Variants in PRELID2 observed in about 807,000 individuals in gnomAD.
PRELID2 encodes the protein PRELI domain containing 2, also known as PRELI domain-containing protein 2.
PRELID2 carries 25 observed loss-of-function variants against 28.4 expected under a neutral mutation model. That is an observed-to-expected ratio of 0.88 (90% confidence interval 0.64 to 1.23). The LOEUF (loss-of-function observed/expected upper bound fraction) is 1.23, where lower values mean the gene tolerates loss of function less well. Ranked by LOEUF, PRELID2 falls within the 50% of genes most tolerant of loss-of-function variation. The probability of loss-of-function intolerance (pLI) is 0.00; values close to 1 mark genes in which losing one functional copy is unlikely to be tolerated. For synonymous variants in PRELID2, 76 were observed against 71.6 expected (o/e 1.06, Z -0.31); for missense variants, 201 against 214.4 (o/e 0.94, Z 0.39).
intron 1 of PRELID2, among the ~76,000 whole-genome samples, chr5:145,548,097 A>G (rs1580974300): frequency 6.6e-6 from 1 of 152,242 alleles, no homozygotes; most frequent in Admixed American, 6.5e-5. Context: ...CACAAATCAC[A>G]GAACTGAGAA....
chr5:145,745,470 G>A (rs2149745771), intron 1 of PRELID2, among the ~76,000 whole-genome samples: 1 of 152,270 alleles, frequency 6.6e-6, no homozygotes, highest in African/African-American at 2.4e-5. Context: ...GAAAAGCCAG[G>A]TCACCTACAA....
At chr5:145,263,470 T>C in the PRELID2 span, among the ~76,000 whole-genome samples, 1 of 148,092 alleles carries the variant, frequency 6.8e-6, no homozygotes, top group Non-Finnish European at 1.5e-5. Flanking sequence ...AGAAAATAAA[T>C]TAAAACAAAA....
At chr5:145,521,457 T>C (rs1407882940) in intron 1 of PRELID2, among the ~76,000 whole-genome samples, 2 of 152,172 alleles carry the variant, frequency 1.3e-5, no homozygotes, top group Non-Finnish European at 2.9e-5. Flanking sequence ...TGCAATCAAT[T>C]CCTGCCATGT....
At chr5:145,350,757 T>C in the PRELID2 span, among the ~76,000 whole-genome samples, 1 of 152,140 alleles carries the variant, frequency 6.6e-6, no homozygotes, top group Non-Finnish European at 1.5e-5. Context: ...GACTCCTATA[T>C]GTAAGATTCC....
At chr5:145,430,264 G>A in the PRELID2 span, among the ~76,000 whole-genome samples, 1 of 152,224 alleles carries the variant, frequency 6.6e-6, no homozygotes, top group East Asian at 1.9e-4. Flanking sequence ...ACACCCTACA[G>A]CATTTAAACT....
chr5:145,447,473 T>C, the PRELID2 span, among the ~76,000 whole-genome samples: 4 of 148,952 alleles, frequency 2.7e-5, no homozygotes, highest in African/African-American at 9.8e-5. Context: ...AAATTTTCTT[T>C]TTTTTTTTTT....
chr5:145,830,984 G>A (rs936510563), intron 1 of PRELID2, among the ~76,000 whole-genome samples: 17 of 152,100 alleles, frequency 1.1e-4, no homozygotes, highest in African/African-American at 4.1e-4. Context: ...ATACCATTGT[G>A]CAAAATCAGA....
chr5:145,509,069 G>C (rs779559346), intron 1 of PRELID2, among the ~76,000 whole-genome samples: 5 of 152,154 alleles, frequency 3.3e-5, no homozygotes, highest in Non-Finnish European at 7.4e-5. Context: ...GAGGGTTCCT[G>C]CAAGAGGTAA....
At chr5:145,563,791 G>A (rs11167906) in intron 1 of PRELID2, among the ~76,000 whole-genome samples, 31,201 of 152,102 alleles carry the variant, frequency 0.21, 4,461 homozygotes, top group African/African-American at 0.41. Flanking sequence ...AAATGAGGAG[G>A]TGTTGGTCAA....
chr5:145,820,459 G>A (rs1754702821), intron 2 of PRELID2, among the ~76,000 whole-genome samples: 2 of 152,100 alleles, frequency 1.3e-5, no homozygotes, highest in South Asian at 2.1e-4. Flanking sequence ...CTCCAATGAC[G>A]ATGACCAGTG....
chr5:145,340,460 C>G, the PRELID2 span, among the ~76,000 whole-genome samples: 1 of 152,274 alleles, frequency 6.6e-6, no homozygotes, highest in Non-Finnish European at 1.5e-5. Context: ...TGCAAGCCAC[C>G]TGAAGGCCTA....
At chr5:145,306,411 T>A in the PRELID2 span, among the ~76,000 whole-genome samples, 1 of 152,154 alleles carries the variant, frequency 6.6e-6, no homozygotes, top group Non-Finnish European at 1.5e-5. Context: ...CTTAAGTCAA[T>A]TTGATTTAAT....
At chr5:145,804,860 A>T (rs1753390532) in intron 4 of PRELID2, among the ~76,000 whole-genome samples, 1 of 152,210 alleles carries the variant, frequency 6.6e-6, no homozygotes, top group Admixed American at 6.5e-5. Flanking sequence ...AATGGTTTGT[A>T]AACTAGCTTA....
the PRELID2 span, among the ~76,000 whole-genome samples, chr5:145,404,130 C>A: frequency 1.3e-5 from 2 of 152,158 alleles, no homozygotes; most frequent in Non-Finnish European, 2.9e-5. Context: ...ATAAATTAAG[C>A]GTAACATTCT....
intron 1 of PRELID2, among the ~76,000 whole-genome samples, chr5:145,479,671 T>C (rs925882626): frequency 4.6e-5 from 7 of 152,228 alleles, no homozygotes; most frequent in African/African-American, 1.7e-4. Context: ...TGAATAATTA[T>C]GGTTAAGTTA....
chr5:145,440,962 TC>T, the PRELID2 span: 1 of 151,970 alleles, frequency 6.6e-6, no homozygotes, highest in African/African-American at 2.4e-5. Context: ...CCACAGAAAA[TC>T]ATGATGAGCA....
the PRELID2 span, among the ~76,000 whole-genome samples, chr5:145,439,952 A>G: frequency 6.6e-6 from 1 of 151,728 alleles, no homozygotes; most frequent in Non-Finnish European, 1.5e-5. Context: ...AACTCCATGG[A>G]CTCCACCATT....
the PRELID2 span, among the ~76,000 whole-genome samples, chr5:145,461,553 A>C: frequency 6.6e-6 from 1 of 152,156 alleles, no homozygotes; most frequent in Non-Finnish European, 1.5e-5. Context: ...CTGCCCACCT[A>C]GTCCTCCCAG....
intron 1 of PRELID2, among the ~76,000 whole-genome samples, chr5:145,502,227 A>G (rs1752365826): frequency 6.6e-6 from 1 of 152,124 alleles, no homozygotes. Context: ...TGGCTGGAGC[A>G]GGAGGAAGAG....
Sources: gnomAD v4.1 joint callset for allele counts (sites outside exome capture counted in the v4.1 genomes callset) on GRCh38, gnomAD v4.1.1 for gene constraint, MANE v1.5 for transcripts, NCBI Gene and HGNC (gene_info 2026-07-23, HGNC 2026-07-21) for gene names.